The following GRID2 variants were observed in gnomAD, a reference collection of about 807,000 sequenced individuals.
GRID2 encodes glutamate ionotropic receptor delta type subunit 2.
Under a neutral mutation model 114.8 loss-of-function variants are expected in GRID2, and 33 were observed. That is an observed-to-expected ratio of 0.29 (90% CI 0.22 to 0.38). GRID2 has a LOEUF of 0.38. Among genes scored for constraint, GRID2 ranks in the 10% least tolerant of loss-of-function variants. The pLI, the probability that GRID2 is intolerant of heterozygous loss-of-function variation, is 1.00. For missense variants in GRID2, 1,184 were observed against 1,257.7 expected (o/e 0.94, Z 0.89); for synonymous variants, 505 against 449.9 (o/e 1.12, Z -1.55).
At chr4:93,497,283 T>C (rs1727641395) in intron 12 of GRID2, among the ~76,000 whole-genome samples, 1 of 151,766 alleles carries the variant, frequency 6.6e-6, no homozygotes, top group African/African-American at 2.4e-5. Context: ...ATATAGGTGG[T>C]TTGCAAATAT....
In GRID2 at chr4:93,035,185, A is replaced by G. The variant is rs1245925838; in HGVS notation, c.245-49810A>G. Reference sequence around the variant, plus strand: ...CAGTAGTGCCATCTAGGCTCACTGCAACCTCCGCCTCCTGGGTTCAAGTGA... The same window carrying G: ...CAGTAGTGCCATCTAGGCTCACTGCGACCTCCGCCTCCTGGGTTCAAGTGA... On this transcript the variant is annotated intron_variant, in intron 2 of 15. Transcript: ENST00000282020. Among the ~76,000 whole-genome samples the G allele has an allele frequency of 2.0e-5, 3 of 149,984 alleles. No individual in the cohort carries two copies. The South Asian group carries it at 6.3e-4, about 31-fold the overall frequency.
intron 2 of GRID2, among the ~76,000 whole-genome samples, chr4:92,916,651 G>T (rs1403068505): frequency 6.6e-6 from 1 of 152,054 alleles, no homozygotes; most frequent in Non-Finnish European, 1.5e-5. Flanking sequence ...GAGAATGCTG[G>T]TTTCCAGCTT....
chr4:93,051,517 T>C (rs1184992214), intron 2 of GRID2, among the ~76,000 whole-genome samples: 1 of 152,016 alleles, frequency 6.6e-6, no homozygotes, highest in Admixed American at 6.6e-5. Flanking sequence ...GCAAGATAGG[T>C]CATTGTGATT....
intron 2 of GRID2, among the ~76,000 whole-genome samples, chr4:92,940,921 C>T (rs1218940267): frequency 6.6e-6 from 1 of 152,164 alleles, no homozygotes; most frequent in African/African-American, 2.4e-5. Flanking sequence ...ATGAAGCCCT[C>T]TTGATCATGG....
chr4:93,595,198 C>A (rs1436465816), intron 13 of GRID2, among the ~76,000 whole-genome samples: 9 of 152,196 alleles, frequency 5.9e-5, no homozygotes, highest in African/African-American at 2.2e-4. Context: ...CCTGTAATAT[C>A]CCTTTCTTCA....
At chr4:92,847,873 T>C (rs1743456343) in intron 2 of GRID2, among the ~76,000 whole-genome samples, 1 of 152,008 alleles carries the variant, frequency 6.6e-6, no homozygotes, top group Non-Finnish European at 1.5e-5. Context: ...TAATGATATA[T>C]ATGTTTTTAT....
intron 1 of GRID2, among the ~76,000 whole-genome samples, chr4:92,412,803 G>A (rs1731403016): frequency 6.6e-6 from 1 of 152,116 alleles, no homozygotes; most frequent in African/African-American, 2.4e-5. Context: ...ACTTTTATCT[G>A]TTTACACCTG....
At chr4:92,409,634 T>C (rs773232507) in intron 1 of GRID2, among the ~76,000 whole-genome samples, 1 of 152,152 alleles carries the variant, frequency 6.6e-6, no homozygotes, top group Non-Finnish European at 1.5e-5. Context: ...CATACAATAA[T>C]AAGTAAACTA....
At chr4:92,640,233 G>T (rs1731279185) in intron 2 of GRID2, among the ~76,000 whole-genome samples, 1 of 151,736 alleles carries the variant, frequency 6.6e-6, no homozygotes, top group Non-Finnish European at 1.5e-5. Context: ...TGAAAGAAAA[G>T]AAAGTGCCAC....
At chr4:92,686,723 A>G (rs914625630) in intron 2 of GRID2, among the ~76,000 whole-genome samples, 1 of 151,980 alleles carries the variant, frequency 6.6e-6, no homozygotes, top group African/African-American at 2.4e-5. Flanking sequence ...CTTTAAAATT[A>G]TTTTATAAGA....
intron 2 of GRID2, among the ~76,000 whole-genome samples, chr4:92,939,358 G>A (rs1409138040): frequency 6.8e-6 from 1 of 147,612 alleles, no homozygotes; most frequent in Non-Finnish European, 1.5e-5. Flanking sequence ...CTGCATAAAT[G>A]TCTTCCTTTG....
chr4:92,316,599 A>G (rs76529253), intron 1 of GRID2, among the ~76,000 whole-genome samples: 2,428 of 152,288 alleles, frequency 0.016, 39 homozygotes, highest in South Asian at 0.056. Context: ...GACACGTTTC[A>G]TATCCTTAGA....
chr4:93,085,161 C>T lies in GRID2; in HGVS notation c.411C>T (p.Asn137=). 3.1e-6 allele frequency: 5 copies of T among 1,614,046 alleles called. No individual in the cohort carries two copies. Among genetic ancestry groups the T allele is most frequent in the Middle Eastern group, 1.6e-4 (1 of 6,062 alleles). ...PRSGCGLTRS[N]RNDDYTLSVR... ...GTGGCTGTGGACTCACCCGGAGCAACAGGAATGATGACTACACTCTCTCAG... is the reference window on the plus strand; with the variant it reads ...GTGGCTGTGGACTCACCCGGAGCAATAGGAATGATGACTACACTCTCTCAG... The change falls in exon 3 of 16, where the codon AAC becomes AAT. Residue 137 remains asparagine, a synonymous_variant. Coordinates refer to ENST00000282020, the MANE Select transcript of GRID2 (RefSeq NM_001510.4).
chr4:92,805,736 A>G (rs1219648072), intron 2 of GRID2, among the ~76,000 whole-genome samples: 1 of 151,986 alleles, frequency 6.6e-6, no homozygotes, highest in Non-Finnish European at 1.5e-5. Context: ...AGTTGAAGGC[A>G]GTGAGCTATG....
chr4:92,509,313 A>G (rs1347083047), intron 1 of GRID2, among the ~76,000 whole-genome samples: 4 of 151,922 alleles, frequency 2.6e-5, no homozygotes, highest in Non-Finnish European at 5.9e-5. Context: ...TCTTCTTTGT[A>G]TCTTTAATAC....
intron 8 of GRID2, among the ~76,000 whole-genome samples, chr4:93,345,594 C>G (rs1448024920): frequency 6.6e-6 from 1 of 151,852 alleles, no homozygotes; most frequent in African/African-American, 2.4e-5. Context: ...TGTAGGTTGT[C>G]TCTTCACTGT....
chr4:92,867,620 G>A (rs539222317), intron 2 of GRID2, among the ~76,000 whole-genome samples: 1 of 151,114 alleles, frequency 6.6e-6, no homozygotes, highest in African/African-American at 2.4e-5. Context: ...TTAGAGAACA[G>A]TAGTTAATGT....
intron 14 of GRID2, among the ~76,000 whole-genome samples, chr4:93,719,235 T>A (rs1000195938): frequency 3.9e-5 from 6 of 152,096 alleles, no homozygotes; most frequent in African/African-American, 1.4e-4. Flanking sequence ...TATCTATATA[T>A]ATTAAGTTGA....
intron 4 of GRID2, among the ~76,000 whole-genome samples, chr4:93,179,618 G>A (rs1165522174): frequency 6.6e-6 from 1 of 152,224 alleles, no homozygotes; most frequent in South Asian, 2.1e-4. Flanking sequence ...CAGGCATTGT[G>A]CTAAGTACCT....
Sources: gnomAD v4.1 joint callset for allele counts (sites outside exome capture counted in the v4.1 genomes callset) on GRCh38, gnomAD v4.1.1 for gene constraint, MANE v1.5 for transcripts, NCBI Gene and HGNC (gene_info 2026-07-23, HGNC 2026-07-21) for gene names.